NELL1: variants seen among roughly 807,000 people sequenced by gnomAD.
NELL1 encodes the protein protein kinase C-binding protein NELL1.
NELL1 carries 76 observed loss-of-function variants against 107.4 expected under a neutral mutation model. That is an observed-to-expected ratio of 0.71 (90% CI 0.59 to 0.86). NELL1 has a LOEUF of 0.86. Among genes scored for constraint, NELL1 ranks in the 40% least tolerant of loss-of-function variants. The probability of loss-of-function intolerance (pLI) is 0.00; values close to 1 mark genes in which losing one functional copy is unlikely to be tolerated. For missense variants in NELL1, 1,024 were observed against 1,005.5 expected (o/e 1.02, Z -0.25); for synonymous variants, 353 against 341.2 (o/e 1.03, Z -0.38).
At chr11:20,740,731 A>C (rs912657075) in intron 2 of NELL1, among the ~76,000 whole-genome samples, 6 of 152,204 alleles carry the variant, frequency 3.9e-5, no homozygotes, top group Non-Finnish European at 7.4e-5. Context: ...CCTTGGTTGC[A>C]ACAAAGAAAT....
At chr11:20,679,894 T>G (rs1419604196) in intron 2 of NELL1, among the ~76,000 whole-genome samples, 1 of 152,200 alleles carries the variant, frequency 6.6e-6, no homozygotes, top group Non-Finnish European at 1.5e-5. Flanking sequence ...AAAAACTTAC[T>G]GCTTGCTTTA....
chr11:20,698,285 G>C (rs1313376143), intron 2 of NELL1, among the ~76,000 whole-genome samples: 3 of 152,044 alleles, frequency 2.0e-5, no homozygotes, highest in Non-Finnish European at 4.4e-5. Context: ...TCATTAAATG[G>C]CTTTGTGATT....
chr11:21,507,973 G>A (rs1855332709), intron 15 of NELL1, among the ~76,000 whole-genome samples: 1 of 151,698 alleles, frequency 6.6e-6, no homozygotes, highest in Non-Finnish European at 1.5e-5. Context: ...TAGAGATGAG[G>A]GTTTCACCAT....
intron 2 of NELL1, among the ~76,000 whole-genome samples, chr11:20,734,470 G>A (rs12284819): frequency 0.065 from 9,935 of 152,272 alleles, 424 homozygotes; most frequent in Middle Eastern, 0.18. Context: ...GGATCATCAT[G>A]AAGGATATGG....
intron 12 of NELL1, among the ~76,000 whole-genome samples, chr11:21,052,101 T>C (rs189035700): frequency 3.3e-5 from 5 of 151,980 alleles, no homozygotes; most frequent in Admixed American, 2.0e-4. Context: ...TGTAGGTATC[T>C]GGAGAAGGGT....
chr11:21,337,791 T>TCCTTCTTTCTTTCTTG (rs1565175407), intron 14 of NELL1, among the ~76,000 whole-genome samples: 124 of 109,640 alleles, frequency 1.1e-3, no homozygotes, highest in Non-Finnish European at 1.2e-3. Flanking sequence ...TTTCTTTCTT[T>TCCTTCTTTCTTTCTTG]CTTTCCTTCT....
intron 2 of NELL1, among the ~76,000 whole-genome samples, chr11:20,697,259 G>T (rs1188626683): frequency 6.6e-6 from 1 of 152,102 alleles, no homozygotes; most frequent in African/African-American, 2.4e-5. Flanking sequence ...ACTCAGAGGA[G>T]ATCTGAGAGT....
At chr11:21,505,574 CTG>C (rs935263260) in intron 15 of NELL1, among the ~76,000 whole-genome samples, 3 of 152,164 alleles carry the variant, frequency 2.0e-5, no homozygotes, top group African/African-American at 7.2e-5. Context: ...TTCCTGAACA[CTG>C]TATTTTATCC....
intron 12 of NELL1, among the ~76,000 whole-genome samples, chr11:21,070,333 T>C (rs1009962202): frequency 2.0e-5 from 3 of 152,010 alleles, no homozygotes; most frequent in Admixed American, 2.0e-4. Flanking sequence ...GAAATGAAGG[T>C]TTTAAAATTA....
intron 13 of NELL1, among the ~76,000 whole-genome samples, chr11:21,127,800 T>G (rs1221696900): frequency 6.6e-6 from 1 of 152,226 alleles, no homozygotes; most frequent in Non-Finnish European, 1.5e-5. Flanking sequence ...TTTACTTATT[T>G]CATAAGCATT....
At chr11:21,412,983 C>G (rs898899387) in intron 15 of NELL1, among the ~76,000 whole-genome samples, 1 of 152,124 alleles carries the variant, frequency 6.6e-6, no homozygotes, top group African/African-American at 2.4e-5. Context: ...CTGATTATGG[C>G]ACACTCTCTA....
At chr11:20,870,353 A>G (rs1390731476) in intron 4 of NELL1, among the ~76,000 whole-genome samples, 2 of 151,978 alleles carry the variant, frequency 1.3e-5, no homozygotes, top group Non-Finnish European at 2.9e-5. Flanking sequence ...TCACCTTTTT[A>G]ATTTTTATTT....
At chr11:21,459,869 C>G (rs1471329880) in intron 15 of NELL1, among the ~76,000 whole-genome samples, 1 of 152,028 alleles carries the variant, frequency 6.6e-6, no homozygotes, top group Non-Finnish European at 1.5e-5. Context: ...GATCTACAAT[C>G]AGCAAAGGGC....
chr11:21,473,566 G>GGGAA (rs2133889329), intron 15 of NELL1, among the ~76,000 whole-genome samples: 1 of 152,122 alleles, frequency 6.6e-6, no homozygotes, highest in East Asian at 1.9e-4. Context: ...TTTTGTTTGA[G>GGGAA]GGAAGGAAGG....
intron 18 of NELL1, among the ~76,000 whole-genome samples, chr11:21,572,143 G>A (rs1380087098): frequency 6.6e-6 from 1 of 151,754 alleles, no homozygotes; most frequent in African/African-American, 2.4e-5. Context: ...GTTTCCCTAT[G>A]AGACTGGCAA....
chr11:21,409,186 G>A (rs1332939039), intron 15 of NELL1, among the ~76,000 whole-genome samples: 2 of 152,076 alleles, frequency 1.3e-5, no homozygotes, highest in Admixed American at 6.5e-5. Context: ...CAACCCAAAT[G>A]TCCAACAATG....
chr11:21,049,287 A>G (rs1853433594), intron 12 of NELL1, among the ~76,000 whole-genome samples: 1 of 152,166 alleles, frequency 6.6e-6, no homozygotes, highest in African/African-American at 2.4e-5. Flanking sequence ...GAAGGAATAA[A>G]TGTTTCAGGC....
At chr11:21,386,575 T>G (rs1314168703) in intron 15 of NELL1, among the ~76,000 whole-genome samples, 10 of 151,982 alleles carry the variant, frequency 6.6e-5, no homozygotes, top group African/African-American at 2.4e-4. Flanking sequence ...GACCATCTGA[T>G]TGGAATGGTT....
At chr11:20,829,014 G>A (rs974951326) in intron 3 of NELL1, among the ~76,000 whole-genome samples, 3 of 152,122 alleles carry the variant, frequency 2.0e-5, no homozygotes, top group Non-Finnish European at 2.9e-5. Context: ...TTGGGATGTC[G>A]ATCACTGGTT....
Sources: allele counts gnomAD v4.1 joint callset (sites outside exome capture counted in the v4.1 genomes callset), GRCh38; gene constraint gnomAD v4.1.1; transcripts MANE v1.5; gene names NCBI Gene and HGNC (gene_info 2026-07-23, HGNC 2026-07-21).